GTF2IRD2: variants seen among roughly 807,000 people sequenced by gnomAD.
The protein encoded by GTF2IRD2 is GTF2I repeat domain containing 2.
A neutral mutation model predicts 49.2 loss-of-function variants in GTF2IRD2; 8 were observed. The observed-to-expected ratio is 0.16, with a 90% confidence interval of 0.10 to 0.29. The LOEUF (loss-of-function observed/expected upper bound fraction) is 0.29, where lower values mean the gene tolerates loss of function less well. Among genes scored for constraint, GTF2IRD2 ranks in the 10% least tolerant of loss-of-function variants. GTF2IRD2 has a pLI of 1.00. For synonymous variants in GTF2IRD2, 47 were observed against 289.7 expected, an observed-to-expected ratio of 0.16 and a Z score of 8.51; for missense variants, 130 against 725.7, an observed-to-expected ratio of 0.18 and a Z score of 9.43.
intron 3 of GTF2IRD2, among the ~76,000 whole-genome samples, chr7:74,830,193 C>T (rs1240947177): frequency 1.5e-5 from 1 of 66,866 alleles, no homozygotes; most frequent in African/African-American, 3.5e-5. Flanking sequence ...ATAGCAAAAC[C>T]CTGTCTCAAA....
chr7:74,810,084 A>C (rs1447701213), intron 10 of GTF2IRD2, among the ~76,000 whole-genome samples: 2 of 40,690 alleles, frequency 4.9e-5, no homozygotes, highest in Admixed American at 3.1e-4. Flanking sequence ...ATAAGCCACC[A>C]TGCCTGGCCC....
intron 1 of GTF2IRD2, among the ~76,000 whole-genome samples, chr7:74,845,700 GA>G (rs1359631850): frequency 6.6e-6 from 1 of 152,284 alleles, no homozygotes; most frequent in African/African-American, 2.4e-5. Flanking sequence ...TGCATTAATA[GA>G]AAATTGAAAA....
intron 1 of GTF2IRD2, among the ~76,000 whole-genome samples, chr7:74,841,260 G>C (rs1298466416): frequency 2.0e-5 from 2 of 99,580 alleles, no homozygotes; most frequent in Non-Finnish European, 3.7e-5. Flanking sequence ...CCCTGCCTCT[G>C]GGGTTCAAGC....
rs368584825 is a variant in GTF2IRD2 at position 74,819,959 on chromosome 7, T to C, written c.626+10A>G. Reference sequence around the variant, plus strand: ...GTTGTGGATTTTGGTTGCTGTGATTTATCTTTTACCTTTCACTTGGTGATA... The same window carrying C: ...GTTGTGGATTTTGGTTGCTGTGATTCATCTTTTACCTTTCACTTGGTGATA... On this transcript the variant is annotated intron_variant, in intron 7 of 15. Coordinates refer to ENST00000451013, the MANE Select transcript of GTF2IRD2 (RefSeq NM_173537.5). 6.2e-7 allele frequency: 1 copy of C among 1,601,498 alleles called. No homozygotes were observed. The highest frequency in any genetic ancestry group is 1.4e-5 in the African/African-American group (1 of 73,784).
intron 15 of GTF2IRD2, chr7:74,799,075 G>A (rs1319070818): frequency 8.9e-6 from 1 of 112,406 alleles, no homozygotes; most frequent in East Asian, 2.5e-4. Context: ...TGAAACCCCA[G>A]GCTCAAGCGA....
chr7:74,832,860 T>C lies in GTF2IRD2; in HGVS notation c.183A>G (p.Arg61=). Residue 61 remains arginine (R), a synonymous_variant, in exon 3 of 16, where the codon AGA becomes AGG. Coordinates refer to ENST00000451013, the MANE Select transcript of GTF2IRD2 (RefSeq NM_173537.5). The part of the protein sequence containing the change: ...ETDVFVVGTE[R]GCAFVNARTD... Reference sequence around the variant, plus strand: ...TCCTGGCATTAACAAAAGCGCATCCTCTCTCGGTTCCGACGACAAACACGT... The same window carrying C: ...TCCTGGCATTAACAAAAGCGCATCCCCTCTCGGTTCCGACGACAAACACGT... 3.7e-6 allele frequency: 2 copies of C among 537,216 alleles called. No individual in the cohort carries two copies. Among genetic ancestry groups the C allele is most frequent in the South Asian group, 2.1e-5 (1 of 47,452 alleles). The allele number at this position is 537,216 out of a possible 1,614,324, so 33.3% of individuals were successfully genotyped here.
chr7:74,819,111 G>A (rs1189080372), intron 8 of GTF2IRD2: 1 of 212,368 alleles, frequency 4.7e-6, no homozygotes, highest in East Asian at 1.3e-4. Flanking sequence ...TTTTAGTAGA[G>A]ACAGGGTTTT....
chr7:74,830,200 CAA>C (rs782359912), intron 3 of GTF2IRD2, among the ~76,000 whole-genome samples: 1 of 16,542 alleles, frequency 6.0e-5, no homozygotes. Context: ...AACCCTGTCT[CAA>C]AAAAAAAAAA....
chr7:74,826,728 T>C (rs1799428937), intron 3 of GTF2IRD2, among the ~76,000 whole-genome samples: 1 of 103,664 alleles, frequency 9.6e-6, no homozygotes. Context: ...TTTTTTTTTT[T>C]TTTGAGAGAG....
intron 3 of GTF2IRD2, 75 bp from the exon 4 acceptor site, chr7:74,825,127 T>A: frequency 7.6e-7 from 1 of 1,308,108 alleles, no homozygotes; most frequent in Non-Finnish European, 1.0e-6. Context: ...GTTTCTGGTA[T>A]TGAAAGAAAA....
Position 74,798,540 on chromosome 7 carries a change from G to A in GTF2IRD2, c.1247-275C>T, listed in dbSNP as rs587733061. Reference sequence around the variant, plus strand: ...GTCGTTGTTGTTGAGACGGAGTTTTGCTCTGTCGCCCAGGCTGCAGTGCAG... The same window carrying A: ...GTCGTTGTTGTTGAGACGGAGTTTTACTCTGTCGCCCAGGCTGCAGTGCAG... On this transcript the variant is annotated intron_variant, in intron 15 of 15. Coordinates refer to ENST00000451013, the MANE Select transcript of GTF2IRD2 (RefSeq NM_173537.5). Among the ~76,000 whole-genome samples, 12 of 151,508 alleles carry A rather than the reference G, an allele frequency of 7.9e-5. No homozygotes were observed. The South Asian group carries it at 2.3e-3, about 29-fold the overall frequency.
At chr7:74,822,887 G>A in intron 4 of GTF2IRD2, 80 bp from the exon 5 acceptor site, 2 of 1,506,658 alleles carry the variant, frequency 1.3e-6, no homozygotes, top group South Asian at 2.5e-5. Flanking sequence ...TTTGTTTTTT[G>A]TTTTGTAGAA....
Position 74,815,797 on chromosome 7 carries a change from G to GGAAAGAAAGAAA in GTF2IRD2, c.671-2993_671-2982dup, listed in dbSNP as rs1189790776. Among the ~76,000 whole-genome samples the GGAAAGAAAGAAA allele has an allele frequency of 3.0e-3, 137 of 45,830 alleles. 1 individual carries two copies. The highest frequency in any genetic ancestry group is 3.6e-3 in the African/African-American group (38 of 10,424). The allele number at this position is 45,830 out of a possible 152,430, so 30.1% of individuals were successfully genotyped here. On this transcript the variant is annotated intron_variant, in intron 8 of 15. Transcript: ENST00000451013. The stretch of plus-strand genomic sequence containing the variant: ...AAGAAAGAAGGAAAGAAAGAAAGAA[G>GGAAAGAAAGAAA]GAAAGAAAGAAAGAAAGAAAGAAAG...
rs1278914927 is a variant in GTF2IRD2, at chr7:74,815,806, G to GA, written c.671-2991dup. ...GGAAAGAAAGAAAGAAGGAAAGAAA[G>GA]AAAGAAAGAAAGAAAGAAAGAAAGA... On this transcript the variant is annotated intron_variant, in intron 8 of 15. Transcript: ENST00000451013. Among the ~76,000 whole-genome samples, 166 of 50,380 alleles carry GA rather than the reference G, an allele frequency of 3.3e-3. 5 individuals carry two copies. Among genetic ancestry groups the GA allele is most frequent in the Middle Eastern group, 0.019 (2 of 106 alleles). The allele number at this position is 50,380 out of a possible 152,430, so 33.1% of individuals were successfully genotyped here. A position where few individuals can be genotyped will look rare whatever the true frequency, so the allele number is the denominator to read the frequency against.
intron 2 of GTF2IRD2, among the ~76,000 whole-genome samples, chr7:74,835,812 C>T (rs1426757381): frequency 3.7e-5 from 3 of 80,908 alleles, no homozygotes; most frequent in East Asian, 5.3e-4. Flanking sequence ...GGTGAAACCC[C>T]GTCTCTATTA....
chr7:74,829,889 A>AAAAAACAACAAC, intron 3 of GTF2IRD2, among the ~76,000 whole-genome samples: 1 of 67,868 alleles, frequency 1.5e-5, no homozygotes, highest in East Asian at 8.5e-4. Flanking sequence ...TTCTGTCTCA[A>AAAAAACAACAAC]AAAAAAAAAA....
rs1178556526 is a variant in GTF2IRD2 at position 74,846,835 on chromosome 7, G to A, written c.-6+4532C>T. On this transcript the variant is annotated intron_variant, in intron 1 of 15. Transcript: ENST00000451013. ...TTTTTTTTTTTTTTTTTTTTGTAGA[G>A]ACAAAGTTTCACTATGTTGCCCAGG... Among the ~76,000 whole-genome samples, 21 of 37,950 alleles carry A rather than the reference G, an allele frequency of 5.5e-4. 5 individuals are homozygous for A. The highest frequency in any genetic ancestry group is 1.2e-3 in the Non-Finnish European group (20 of 17,324). The allele number at this position is 37,950 out of a possible 152,430, so 24.9% of individuals were successfully genotyped here.
Position 74,834,233 on chromosome 7 carries a change from C to CTT in GTF2IRD2, c.100-1292_100-1291dup, listed in dbSNP as rs1212104357. Among the ~76,000 whole-genome samples, 3 of 96,616 alleles carry CTT rather than the reference C, an allele frequency of 3.1e-5. 1 individual carries two copies. Among genetic ancestry groups the CTT allele is most frequent in the African/African-American group, 1.3e-4 (2 of 15,472 alleles). The allele number at this position is 96,616 out of a possible 152,430, so 63.4% of individuals were successfully genotyped here. On this transcript the variant is annotated intron_variant, in intron 2 of 15. Transcript: ENST00000451013. Reference sequence around the variant, plus strand: ...TAATTTTTAAAATTTTTTATTTTTCCTTTTTTTTTTTTTTTGAGACGGAGT... The same window carrying CTT: ...TAATTTTTAAAATTTTTTATTTTTCCTTTTTTTTTTTTTTTTTGAGACGGAGT...
chr7:74,840,067 CTTTTTTTT>C (rs1165672995), intron 1 of GTF2IRD2, among the ~76,000 whole-genome samples: 31 of 70,114 alleles, frequency 4.4e-4, no homozygotes, highest in Non-Finnish European at 6.1e-4. Flanking sequence ...GGTCCTATGT[CTTTTTTTT>C]TTTTTTTTTT....
Sources: allele counts gnomAD v4.1 joint callset (sites outside exome capture counted in the v4.1 genomes callset), GRCh38; gene constraint gnomAD v4.1.1; transcripts MANE v1.5; gene names NCBI Gene and HGNC (gene_info 2026-07-23, HGNC 2026-07-21).